SCRG1: variants seen among roughly 807,000 people sequenced by gnomAD.
SCRG1 encodes scrapie-responsive protein 1.
A neutral mutation model predicts 7.7 loss-of-function variants in SCRG1; 3 were observed. The observed-to-expected ratio is 0.39, with a 90% CI of 0.18 to 1.01. The LOEUF (loss-of-function observed/expected upper bound fraction) is 1.01. Ranked by LOEUF, SCRG1 falls within the 50% of genes least tolerant of loss-of-function variation. The probability of loss-of-function intolerance (pLI) is 0.36; values close to 1 mark genes in which losing one functional copy is unlikely to be tolerated. For missense variants in SCRG1, 110 were observed against 117.2 expected, an observed-to-expected ratio of 0.94 and a Z score of 0.28; for synonymous variants, 46 against 41.2, an observed-to-expected ratio of 1.12 and a Z score of -0.44.
At chr4:173,482,672 G>C in the SCRG1 span, among the ~76,000 whole-genome samples, 1 of 151,530 alleles carries the variant, frequency 6.6e-6, no homozygotes, top group Non-Finnish European at 1.5e-5. Flanking sequence ...TGAAAACTTA[G>C]CCAGGTGTGG....
the SCRG1 span, among the ~76,000 whole-genome samples, chr4:173,476,358 A>AT: frequency 1.1e-4 from 9 of 84,244 alleles, no homozygotes; most frequent in Non-Finnish European, 1.8e-4. Flanking sequence ...GAGGGGGAAA[A>AT]AAAAAATATA....
the SCRG1 span, among the ~76,000 whole-genome samples, chr4:173,450,188 C>T: frequency 6.6e-6 from 1 of 152,118 alleles, no homozygotes; most frequent in Non-Finnish European, 1.5e-5. Flanking sequence ...GGGGAAATTG[C>T]CACTTATAAA....
At chr4:173,432,836 T>C in the SCRG1 span, among the ~76,000 whole-genome samples, 1 of 152,232 alleles carries the variant, frequency 6.6e-6, no homozygotes, top group Non-Finnish European at 1.5e-5. Flanking sequence ...CAGAGTGCTG[T>C]GTGATTTATT....
the SCRG1 span, among the ~76,000 whole-genome samples, chr4:173,416,021 G>A: frequency 6.6e-6 from 1 of 152,244 alleles, no homozygotes; most frequent in South Asian, 2.1e-4. Flanking sequence ...CAGCATGTGC[G>A]CCTCGGGGTG....
the SCRG1 span, among the ~76,000 whole-genome samples, chr4:173,488,256 C>T: frequency 2.0e-5 from 3 of 152,026 alleles, no homozygotes; most frequent in East Asian, 3.8e-4. Flanking sequence ...CCTACAGTCA[C>T]GTGACTCAAA....
chr4:173,431,427 A>C, the SCRG1 span, among the ~76,000 whole-genome samples: 1 of 152,234 alleles, frequency 6.6e-6, no homozygotes. Context: ...TGACAAACCC[A>C]ATGAATTTAG....
chr4:173,483,334 A>G, the SCRG1 span, among the ~76,000 whole-genome samples: 1 of 53,960 alleles, frequency 1.9e-5, no homozygotes, highest in African/African-American at 8.4e-5. Context: ...ATTATATATT[A>G]TATATTACAT....
At chr4:173,429,710 C>T in the SCRG1 span, among the ~76,000 whole-genome samples, 1 of 152,190 alleles carries the variant, frequency 6.6e-6, no homozygotes, top group African/African-American at 2.4e-5. Flanking sequence ...TTTCTTTTCA[C>T]TTTGCCTAAG....
chr4:173,406,508 C>G (rs1362227047), upstream of SCRG1: 6 of 152,318 alleles, frequency 3.9e-5, no homozygotes, highest in East Asian at 3.9e-4. Context: ...AAGGTTCAGT[C>G]TTTGTGCTGA....
In SCRG1 at chr4:173,388,109, A is replaced by G. The variant is rs909700165; in HGVS notation, c.*232T>C. On this transcript the variant is annotated 3_prime_UTR_variant, in exon 3 of 3. Coordinates refer to ENST00000296506, the MANE Select transcript of SCRG1 (RefSeq NM_007281.4). ...GAGTATAATGAACACCTCATAGATTACATTTTCTAGGCAAAATTTTTAACC... is the reference window on the plus strand; with the variant it reads ...GAGTATAATGAACACCTCATAGATTGCATTTTCTAGGCAAAATTTTTAACC... 2 of 450,586 alleles carry G rather than the reference A, an allele frequency of 4.4e-6. No individual in the cohort carries two copies. The highest frequency in any genetic ancestry group is 7.7e-6 in the Non-Finnish European group (2 of 258,080). 27.9% of individuals were successfully genotyped at this position (450,586 alleles called of 1,614,324 possible).
chr4:173,423,669 A>ATT, the SCRG1 span, among the ~76,000 whole-genome samples: 3 of 150,746 alleles, frequency 2.0e-5, no homozygotes, highest in Non-Finnish European at 4.4e-5. Flanking sequence ...TTTTTTTTTA[A>ATT]TTTTTTTTTT....
the SCRG1 span, among the ~76,000 whole-genome samples, chr4:173,502,501 C>T: frequency 6.4e-4 from 98 of 152,278 alleles, 1 homozygote; most frequent in African/African-American, 1.6e-3. This position sits in a 1 kb window ranked among gnomAD's most constrained non-coding sequence, Gnocchi z 4.6. Flanking sequence ...AGGATGTTTC[C>T]GCTCTCCGTT....
the SCRG1 span, among the ~76,000 whole-genome samples, chr4:173,510,765 C>T: frequency 3.3e-5 from 5 of 152,090 alleles, no homozygotes; most frequent in African/African-American, 9.7e-5. This position sits in a 1 kb window ranked among gnomAD's most constrained non-coding sequence, Gnocchi z 5.7. Flanking sequence ...TCCTCCATCC[C>T]GCCTCCGCAG....
the SCRG1 span, among the ~76,000 whole-genome samples, chr4:173,430,688 T>C: frequency 1.3e-5 from 2 of 151,438 alleles, no homozygotes; most frequent in East Asian, 2.0e-4. Flanking sequence ...GCACCTGTAG[T>C]CCCAGCTACT....
chr4:173,454,865 C>T, the SCRG1 span, among the ~76,000 whole-genome samples: 1 of 152,154 alleles, frequency 6.6e-6, no homozygotes, highest in Non-Finnish European at 1.5e-5. Context: ...CTCAAGAAGA[C>T]GTAGGGTACT....
the SCRG1 span, among the ~76,000 whole-genome samples, chr4:173,477,705 CCCTTCCTTCCTTCCTTCCTT>C: frequency 0.27 from 34,632 of 128,196 alleles, 5,631 homozygotes; most frequent in East Asian, 0.39. Flanking sequence ...TCTTTTTTTT[CCCTTCCTTCCTTCCTTCCTT>C]CCTTCCTTCC....
chr4:173,424,198 A>G, the SCRG1 span, among the ~76,000 whole-genome samples: 2 of 152,192 alleles, frequency 1.3e-5, no homozygotes, highest in Non-Finnish European at 2.9e-5. Flanking sequence ...AGCAGACCAC[A>G]AAAACTTCAG....
At chr4:173,490,149 T>G in the SCRG1 span, among the ~76,000 whole-genome samples, 1 of 152,174 alleles carries the variant, frequency 6.6e-6, no homozygotes, top group Non-Finnish European at 1.5e-5. Context: ...GCAACAAAAT[T>G]TCACTAATAA....
the SCRG1 span, among the ~76,000 whole-genome samples, chr4:173,461,929 C>T: frequency 2.1e-4 from 32 of 151,430 alleles, no homozygotes; most frequent in African/African-American, 6.5e-4. Flanking sequence ...ATTGGCATAC[C>T]GAGGAATGTA....
Sources: allele counts gnomAD v4.1 joint callset (sites outside exome capture counted in the v4.1 genomes callset), GRCh38; gene constraint gnomAD v4.1.1; non-coding constraint Gnocchi (gnomAD v3.1); transcripts MANE v1.5; gene names NCBI Gene and HGNC (gene_info 2026-07-23, HGNC 2026-07-21).